Variants in SLC9A9 observed in about 807,000 individuals in gnomAD.
SLC9A9 encodes solute carrier family 9 member A9.
A neutral mutation model predicts 77.8 loss-of-function variants in SLC9A9; 62 were observed. The ratio of observed to expected loss-of-function variants is 0.80; its 90% CI spans 0.65 to 0.98. SLC9A9 has a LOEUF of 0.98. SLC9A9 is among the 50% of genes least tolerant of loss of function. SLC9A9 has a pLI of 0.00. For synonymous variants in SLC9A9, 320 were observed against 283.5 expected (o/e 1.13, Z -1.29); for missense variants, 775 against 774.9 (o/e 1.00, Z 0.00).
At chr3:143,501,706 A>G (rs942385398) in intron 9 of SLC9A9, among the ~76,000 whole-genome samples, 13 of 151,082 alleles carry the variant, frequency 8.6e-5, no homozygotes, top group Admixed American at 3.3e-4. Flanking sequence ...GCAATGCAAC[A>G]GTACTGATTA....
chr3:143,508,024 T>A (rs1052557350), intron 9 of SLC9A9, among the ~76,000 whole-genome samples: 2 of 152,160 alleles, frequency 1.3e-5, no homozygotes, highest in African/African-American at 4.8e-5. Context: ...GGGTTAGGTT[T>A]CAACATGGGG....
chr3:143,772,235 G>A (rs564512068), intron 4 of SLC9A9, among the ~76,000 whole-genome samples: 13 of 152,168 alleles, frequency 8.5e-5, no homozygotes, highest in East Asian at 3.9e-4. Flanking sequence ...GTGAATCAGC[G>A]TACCCAACTA....
At chr3:143,641,061 G>T (rs2038612854) in intron 6 of SLC9A9, among the ~76,000 whole-genome samples, 1 of 152,078 alleles carries the variant, frequency 6.6e-6, no homozygotes, top group Non-Finnish European at 1.5e-5. Context: ...TCCTAGGTGG[G>T]TTGTAAATCT....
intron 4 of SLC9A9, among the ~76,000 whole-genome samples, chr3:143,786,782 CAG>C (rs1340292271): frequency 1.3e-5 from 2 of 152,156 alleles, no homozygotes. Context: ...ACTCAGAATC[CAG>C]AGAGTAAATG....
chr3:143,600,316 G>A (rs2037825181), intron 6 of SLC9A9, among the ~76,000 whole-genome samples: 1 of 152,148 alleles, frequency 6.6e-6, no homozygotes, highest in African/African-American at 2.4e-5. Context: ...TATTGAGAAT[G>A]ATGGTTTCCC....
rs112685569 is a variant in SLC9A9, at chr3:143,511,715, C to T, written c.1090-16267G>A. On this transcript the variant is annotated intron_variant, in intron 9 of 15. Transcript: ENST00000316549. ...TGACGTAGTCTGTGGCCTAAGCCCT[C>T]AGCCTCTCTGTGAAGTGGCACACCC... Among the ~76,000 whole-genome samples the T allele has an allele frequency of 8.8e-3, 1,334 of 152,312 alleles. 18 individuals are homozygous for T. The highest frequency in any genetic ancestry group is 0.03 in the African/African-American group (1,237 of 41,554).
intron 14 of SLC9A9, among the ~76,000 whole-genome samples, chr3:143,269,943 C>T (rs1252121987): frequency 6.6e-6 from 1 of 152,226 alleles, no homozygotes; most frequent in Non-Finnish European, 1.5e-5. Context: ...GGATAATTCA[C>T]ATGCCATTCT....
chr3:143,377,741 A>G (rs1159761965), intron 13 of SLC9A9, among the ~76,000 whole-genome samples: 1 of 152,204 alleles, frequency 6.6e-6, no homozygotes, highest in African/African-American at 2.4e-5. Flanking sequence ...GGCTAATTCT[A>G]TTACTTCCAA....
intron 4 of SLC9A9, among the ~76,000 whole-genome samples, chr3:143,713,922 G>A (rs1177317267): frequency 6.6e-6 from 1 of 152,168 alleles, no homozygotes; most frequent in Non-Finnish European, 1.5e-5. Context: ...AGTTATCAAA[G>A]CAAAAATTTT....
chr3:143,468,281 C>T (rs189209179), intron 11 of SLC9A9, among the ~76,000 whole-genome samples: 212 of 152,304 alleles, frequency 1.4e-3, no homozygotes, highest in Non-Finnish European at 2.1e-3. Context: ...TTTTACATTC[C>T]TACCAGCAAT....
chr3:143,291,669 T>C (rs1319259287), intron 14 of SLC9A9, among the ~76,000 whole-genome samples: 1 of 152,204 alleles, frequency 6.6e-6, no homozygotes, highest in African/African-American at 2.4e-5. Context: ...AGAACTTAAA[T>C]CCAGCTCCCA....
At chr3:143,355,181 CT>C (rs1453495426) in intron 14 of SLC9A9, among the ~76,000 whole-genome samples, 1 of 152,152 alleles carries the variant, frequency 6.6e-6, no homozygotes, top group Non-Finnish European at 1.5e-5. Context: ...GAAACCTTTC[CT>C]TTATGGAAAC....
intron 12 of SLC9A9, among the ~76,000 whole-genome samples, chr3:143,385,273 A>G (rs1247468521): frequency 6.6e-6 from 1 of 152,106 alleles, no homozygotes. Flanking sequence ...CCTGACAGTC[A>G]AATTTATTTT....
In SLC9A9 at chr3:143,266,813, C is replaced by T. The variant is rs751557960; in HGVS notation, c.1827G>A (p.Gln609=). The change falls in exon 16 of 16, where the codon CAG becomes CAA. Residue 609 remains glutamine, a synonymous_variant. Transcript: ENST00000316549. ...CSPPARLGLD[Q]KASPQTPGKE... ...TGCCTGGCGTCTGGGGTGAAGCTTT[C>T]TGGTCCAGACCTAGCCTTGCAGGAG... 3.1e-6 allele frequency: 5 copies of T among 1,614,040 alleles called. No homozygotes were observed. Among genetic ancestry groups the T allele is most frequent in the Admixed American group, 1.7e-5 (1 of 60,006 alleles).
intron 12 of SLC9A9, among the ~76,000 whole-genome samples, chr3:143,404,880 C>A (rs1025429711): frequency 3.9e-5 from 6 of 152,190 alleles, no homozygotes; most frequent in African/African-American, 1.4e-4. Context: ...TTTAAGTCTT[C>A]CTAAAAGATG....
At chr3:143,825,270 G>A (rs1330802551) in intron 2 of SLC9A9, among the ~76,000 whole-genome samples, 1 of 152,102 alleles carries the variant, frequency 6.6e-6, no homozygotes, top group Non-Finnish European at 1.5e-5. Context: ...TCCTGTTACA[G>A]GAAGAGGTTT....
chr3:143,753,365 A>T (rs114370515), intron 4 of SLC9A9, among the ~76,000 whole-genome samples: 156 of 152,348 alleles, frequency 1.0e-3, no homozygotes, highest in African/African-American at 3.7e-3. Flanking sequence ...AACATTGATT[A>T]AAAGCTCTGC....
intron 4 of SLC9A9, among the ~76,000 whole-genome samples, chr3:143,772,519 A>G (rs1237562840): frequency 6.6e-6 from 1 of 152,232 alleles, no homozygotes; most frequent in African/African-American, 2.4e-5. Flanking sequence ...GTAATTCATC[A>G]TGGAAGCCCA....
intron 6 of SLC9A9, among the ~76,000 whole-genome samples, chr3:143,579,353 A>G (rs1239150518): frequency 6.6e-6 from 1 of 152,178 alleles, no homozygotes. Context: ...TTATACCCCA[A>G]TTCTGGCGGC....
Sources: gnomAD v4.1 joint callset for allele counts (sites outside exome capture counted in the v4.1 genomes callset) on GRCh38, gnomAD v4.1.1 for gene constraint, MANE v1.5 for transcripts, NCBI Gene and HGNC (gene_info 2026-07-23, HGNC 2026-07-21) for gene names.